The following AASS variants were observed in gnomAD, a reference collection of about 807,000 sequenced individuals.
AASS encodes alpha-aminoadipic semialdehyde synthase, mitochondrial.
Under a neutral mutation model 105.4 loss-of-function variants are expected in AASS, and 86 were observed. The ratio of observed to expected loss-of-function variants is 0.82; its 90% CI spans 0.69 to 0.98. The LOEUF (loss-of-function observed/expected upper bound fraction) is 0.98. AASS is among the 50% of genes least tolerant of loss of function. AASS has a pLI of 0.00. For synonymous variants in AASS, 381 were observed against 394.8 expected (o/e 0.96, Z 0.41); for missense variants, 1,048 against 1,143.2 (o/e 0.92, Z 1.20).
At chr7:122,079,239 T>G in intron 21 of AASS, 1 of 1,364,100 alleles carries the variant, frequency 7.3e-7, no homozygotes, top group African/African-American at 1.5e-5. Flanking sequence ...TATAGGTTAG[T>G]TCTCCAACAT....
intron 11 of AASS, among the ~76,000 whole-genome samples, chr7:122,105,049 C>T (rs577528109): frequency 9.2e-5 from 14 of 152,026 alleles, no homozygotes; most frequent in Non-Finnish European, 1.9e-4. Flanking sequence ...GAAGATATTC[C>T]TTGCAAATAA....
At chr7:122,116,981 A>C in intron 6 of AASS, 24 bp from the exon 7 acceptor site, 1 of 1,600,572 alleles carries the variant, frequency 6.2e-7, no homozygotes, top group Non-Finnish European at 8.6e-7. Context: ...ATGAGTAAAA[A>C]TCCAAAAATC....
intron 23 of AASS, 107 bp downstream of exon 23, chr7:122,077,731 T>G: frequency 7.1e-7 from 1 of 1,402,434 alleles, no homozygotes; most frequent in Non-Finnish European, 1.0e-6. Context: ...TGGTTCACTT[T>G]TAGTAAATGC....
chr7:122,096,806 G>A (rs1444503103), intron 15 of AASS, among the ~76,000 whole-genome samples: 2 of 152,018 alleles, frequency 1.3e-5, no homozygotes, highest in Non-Finnish European at 2.9e-5. Context: ...GACATATTAA[G>A]AGATTGATGT....
intron 4 of AASS, among the ~76,000 whole-genome samples, chr7:122,121,413 A>G (rs1376970783): frequency 6.6e-6 from 1 of 151,954 alleles, no homozygotes; most frequent in Non-Finnish European, 1.5e-5. Context: ...TTGTTTTTTG[A>G]GACAGTTAAC....
rs150922740 is a variant in AASS, at chr7:122,081,504, G to A, written c.2276C>T (p.Thr759Ile). Reference sequence around the variant, plus strand: ...ACGTAATTCGGAGTCACTCACCCAGGTGAGAGGGTTGGCCTCAGGTCTAAA... The same window carrying A: ...ACGTAATTCGGAGTCACTCACCCAGATGAGAGGGTTGGCCTCAGGTCTAAA... Reference protein sequence around the residue: ...PAFRPEANPLTWKQLLCDLVG... With the variant: ...PAFRPEANPLIWKQLLCDLVG... The change falls in exon 20 of 24, where the codon ACC becomes ATC. Residue 759 changes from threonine to isoleucine, a missense_variant. Transcript: ENST00000417368. 147 of 1,612,686 alleles carry A rather than the reference G, an allele frequency of 9.1e-5. No individual in the cohort carries two copies. The highest frequency in any genetic ancestry group is 1.8e-4 in the South Asian group (16 of 91,056).
intron 4 of AASS, among the ~76,000 whole-genome samples, chr7:122,118,863 G>A (rs1048077415): frequency 2.0e-5 from 3 of 152,178 alleles, no homozygotes; most frequent in Non-Finnish European, 4.4e-5. Flanking sequence ...AAAATAGGAA[G>A]AATGTTTCTC....
chr7:122,076,296 C>G lies in AASS; in HGVS notation c.*193G>C. 1 of 566,218 alleles carries G rather than the reference C, an allele frequency of 1.8e-6. No homozygotes were observed. The highest frequency in any genetic ancestry group is 3.1e-6 in the Non-Finnish European group (1 of 319,230). The allele number at this position is 566,218 out of a possible 1,614,324, so 35.1% of individuals were successfully genotyped here. ...TACAGGGTAGAATTATTAAAGTTCT[C>G]TGTTAGTGGCTTGCATCTCCTGTTC... On this transcript the variant is annotated 3_prime_UTR_variant, in exon 24 of 24. Coordinates refer to ENST00000417368, the MANE Select transcript of AASS (RefSeq NM_005763.4).
chr7:122,101,644 T>C lies in AASS; in HGVS notation c.1315A>G (p.Asn439Asp), dbSNP rs367549606. 1.2e-6 allele frequency: 2 copies of C among 1,611,504 alleles called. No homozygotes were observed. Among genetic ancestry groups the C allele is most frequent in the Admixed American group, 1.7e-5 (1 of 59,744 alleles). The change falls in exon 12 of 24, where the codon AAT becomes GAT. Residue 439 changes from asparagine (N) to aspartate (D), a missense_variant. Transcript: ENST00000417368. The part of the protein sequence containing the change: ...SDATQPLESQ[N>D]FSPVVRDAVI... Reference sequence around the variant, plus strand: ...ACATCTCTCACCACAGGAGAAAAATTCTGACTTTCAAGAGGCTGTGTCGCG... The same window carrying C: ...ACATCTCTCACCACAGGAGAAAAATCCTGACTTTCAAGAGGCTGTGTCGCG...
intron 13 of AASS, among the ~76,000 whole-genome samples, chr7:122,101,022 G>A (rs1315845614): frequency 6.6e-6 from 1 of 151,822 alleles, no homozygotes; most frequent in African/African-American, 2.4e-5. Context: ...AAAGGCTAGT[G>A]TGCTCATTTT....
intron 19 of AASS, chr7:122,082,901 A>G: frequency 7.9e-7 from 1 of 1,258,356 alleles, no homozygotes; most frequent in Non-Finnish European, 1.0e-6. Context: ...CCTAAAAGAG[A>G]ACAAATGGCT....
intron 11 of AASS, among the ~76,000 whole-genome samples, chr7:122,103,021 A>T (rs1003167450): frequency 1.3e-5 from 2 of 151,998 alleles, no homozygotes; most frequent in African/African-American, 4.8e-5. Flanking sequence ...TAACTTTTTT[A>T]AAAAATGTAA....
At chr7:122,093,218 C>T (rs1793991153) in intron 15 of AASS, 60 bp from the exon 16 acceptor site, 1 of 1,242,218 alleles carries the variant, frequency 8.1e-7, no homozygotes, top group Non-Finnish European at 1.2e-6. Context: ...TTCTAAGGTA[C>T]TTGAACTGTA....
chr7:122,142,249 A>T (rs920341194), intron 1 of AASS, among the ~76,000 whole-genome samples: 5 of 152,190 alleles, frequency 3.3e-5, no homozygotes, highest in Non-Finnish European at 1.5e-5. Context: ...GCTAATATGC[A>T]TAAAGTGCTG....
intron 9 of AASS, among the ~76,000 whole-genome samples, chr7:122,114,868 C>G (rs1274229019): frequency 6.6e-6 from 1 of 151,656 alleles, no homozygotes; most frequent in Non-Finnish European, 1.5e-5. Context: ...ATAACAAGAC[C>G]CCATCTCTAA....
intron 20 of AASS, among the ~76,000 whole-genome samples, chr7:122,080,022 T>C (rs964795148): frequency 3.7e-4 from 57 of 152,144 alleles, no homozygotes; most frequent in African/African-American, 1.2e-3. Flanking sequence ...TCTCTATCAC[T>C]ATGTTTTTAT....
In AASS at chr7:122,076,626, G is replaced by T; in HGVS notation, c.2663-19C>A. On this transcript the variant is annotated intron_variant, in intron 23 of 23. Coordinates refer to ENST00000417368, the MANE Select transcript of AASS (RefSeq NM_005763.4). ...ATTTCACCTGGAAGAAAATAAATGT[G>T]TAATTACCATTTCAAAGGTTGTGTC... 1.3e-6 allele frequency: 2 copies of T among 1,512,846 alleles called. No individual in the cohort carries two copies. Among genetic ancestry groups the T allele is most frequent in the Non-Finnish European group, 1.8e-6 (2 of 1,087,918 alleles). The allele number at this position is 1,512,846 out of a possible 1,614,324, so 93.7% of individuals were successfully genotyped here.
Position 122,079,280 on chromosome 7 carries a change from A to T in AASS, c.2396+317T>A, listed in dbSNP as rs1793192429. The T allele has an allele frequency of 2.2e-6, 3 of 1,344,708 alleles. No homozygotes were observed. In the African/African-American group the frequency reaches 4.4e-5, roughly 20 times the overall value. The allele number at this position is 1,344,708 out of a possible 1,614,324, so 83.3% of individuals were successfully genotyped here. A position where few individuals can be genotyped will look rare whatever the true frequency, so the allele number is the denominator to read the frequency against. On this transcript the variant is annotated intron_variant, in intron 21 of 23. Coordinates refer to ENST00000417368, the MANE Select transcript of AASS (RefSeq NM_005763.4). ...ATACCAGCAGGATGCCACAGCGGTC[A>T]TATGAAAGAATGTTTTCATGTAATA...
At chr7:122,137,793 ATATCAGGAAGTAAATT>A (rs1159625764) in intron 1 of AASS, among the ~76,000 whole-genome samples, 1 of 152,200 alleles carries the variant, frequency 6.6e-6, no homozygotes, top group African/African-American at 2.4e-5. Context: ...TTTTTCAAGA[ATATCAGGAAGTAAATT>A]CAATGTATAT....
Sources: gnomAD v4.1 joint callset for allele counts (sites outside exome capture counted in the v4.1 genomes callset) on GRCh38, gnomAD v4.1.1 for gene constraint, MANE v1.5 for transcripts, NCBI Gene and HGNC (gene_info 2026-07-23, HGNC 2026-07-21) for gene names.